The following RHOBTB1 variants were observed in gnomAD, a reference collection of about 807,000 sequenced individuals.
The protein encoded by RHOBTB1 is Rho related BTB domain containing 1.
In RHOBTB1, 40 loss-of-function variants were observed where a neutral mutation model predicts 71.6. The ratio of observed to expected loss-of-function variants is 0.56; its 90% CI spans 0.43 to 0.73. RHOBTB1 has a LOEUF of 0.73. Ranked by LOEUF, RHOBTB1 falls within the 30% of genes least tolerant of loss-of-function variation. RHOBTB1 has a pLI of 0.00. For missense variants in RHOBTB1, 797 were observed against 894.0 expected, an observed-to-expected ratio of 0.89 and a Z score of 1.38; for synonymous variants, 319 against 334.9, an observed-to-expected ratio of 0.95 and a Z score of 0.52.
At chr10:60,887,938 T>C (rs534702213) in intron 6 of RHOBTB1, among the ~76,000 whole-genome samples, 2 of 152,292 alleles carry the variant, frequency 1.3e-5, no homozygotes, top group East Asian at 3.9e-4. Flanking sequence ...GTTCAAATCC[T>C]GGCTCTACCA....
chr10:60,887,016 C>G (rs1347666948), intron 6 of RHOBTB1, among the ~76,000 whole-genome samples: 2 of 151,624 alleles, frequency 1.3e-5, no homozygotes, highest in African/African-American at 4.8e-5. Flanking sequence ...CTATTATCAT[C>G]CACTATATTG....
chr10:60,921,941 C>A (rs2133752538), intron 2 of RHOBTB1, among the ~76,000 whole-genome samples: 1 of 152,270 alleles, frequency 6.6e-6, no homozygotes, highest in African/African-American at 2.4e-5. Flanking sequence ...AAAGGCCACA[C>A]CCTTTCACCA....
chr10:60,889,631 A>G (rs2081811944), intron 5 of RHOBTB1, among the ~76,000 whole-genome samples: 1 of 152,118 alleles, frequency 6.6e-6, no homozygotes, highest in Non-Finnish European at 1.5e-5. Flanking sequence ...ATGTGCCTAA[A>G]TAGAGAGTGT....
chr10:60,885,423 G>A (rs1209794712), intron 7 of RHOBTB1, among the ~76,000 whole-genome samples: 1 of 152,192 alleles, frequency 6.6e-6, no homozygotes, highest in Non-Finnish European at 1.5e-5. Flanking sequence ...GACAAGTGAT[G>A]TAGCTGCTTC....
intron 8 of RHOBTB1, among the ~76,000 whole-genome samples, chr10:60,875,804 A>C (rs2081024395): frequency 6.6e-6 from 1 of 152,222 alleles, no homozygotes; most frequent in South Asian, 2.1e-4. Context: ...CAAGGCTTCC[A>C]AGCTGAATTT....
chr10:60,950,994 T>G (rs551922938), intron 2 of RHOBTB1, among the ~76,000 whole-genome samples: 1 of 152,328 alleles, frequency 6.6e-6, no homozygotes, highest in Non-Finnish European at 1.5e-5. Context: ...TTAGCTAAAC[T>G]ACATGCAGAA....
chr10:60,996,291 T>C (rs552590063), intron 1 of RHOBTB1, among the ~76,000 whole-genome samples: 2 of 152,328 alleles, frequency 1.3e-5, no homozygotes, highest in Admixed American at 1.3e-4. Flanking sequence ...TTCTTTTTTT[T>C]ACCTGCCCAA....
chr10:60,865,579 A>G (rs2080632817), downstream of RHOBTB1, among the ~76,000 whole-genome samples: 1 of 152,222 alleles, frequency 6.6e-6, no homozygotes, highest in Non-Finnish European at 1.5e-5. Flanking sequence ...AACTCATTGT[A>G]ATAGGTAACA....
chr10:60,916,637 A>G (rs751143270), intron 2 of RHOBTB1, among the ~76,000 whole-genome samples: 1 of 152,206 alleles, frequency 6.6e-6, no homozygotes, highest in Non-Finnish European at 1.5e-5. Context: ...ATGATGGGTC[A>G]TGCCAACTTT....
intron 5 of RHOBTB1, 125 bp downstream of exon 5, chr10:60,892,685 A>T: frequency 1.3e-6 from 1 of 791,230 alleles, no homozygotes; most frequent in Non-Finnish European, 1.9e-6. Context: ...GGGCTGACTT[A>T]AAACCCATGG....
chr10:60,965,624 A>G (rs979640042), intron 2 of RHOBTB1, among the ~76,000 whole-genome samples: 2 of 152,190 alleles, frequency 1.3e-5, no homozygotes, highest in African/African-American at 4.8e-5. Flanking sequence ...GTTTGACACA[A>G]AATAGGTCTT....
At chr10:60,946,126 C>T (rs188341087), upstream of RHOBTB1, among the ~76,000 whole-genome samples, 338 of 151,722 alleles carry the variant, frequency 2.2e-3, no homozygotes, top group African/African-American at 7.1e-3. Context: ...TGCAGTGAGC[C>T]GAGATCGCGC....
chr10:60,862,909 CCT>C, the RHOBTB1 span, among the ~76,000 whole-genome samples: 26,344 of 140,968 alleles, frequency 0.19, 2,633 homozygotes, highest in African/African-American at 0.28. Flanking sequence ...CTCTCCCTCT[CCT>C]CTTTCTTTTC....
intron 2 of RHOBTB1, among the ~76,000 whole-genome samples, chr10:60,959,012 T>C (rs1168608638): frequency 2.6e-5 from 4 of 152,142 alleles, no homozygotes; most frequent in African/African-American, 9.7e-5. Context: ...CCTCCCAGTA[T>C]ATACAAACAA....
At position 60,888,421 on chromosome 10, in the gene RHOBTB1, T is replaced by G. The variant is rs1384572334; in HGVS notation, c.1247A>C (p.Gln416Pro). 2 of 1,614,056 alleles carry G rather than the reference T, an allele frequency of 1.2e-6. No homozygotes were observed. The highest frequency in any genetic ancestry group is 8.5e-7 in the Non-Finnish European group (1 of 1,180,032). The change falls in exon 6 of 11, where the codon CAG (glutamine) becomes CCG (proline). Residue 416 changes from glutamine (Q) to proline (P), a missense_variant. This residue lies in a region of RHOBTB1 where 658 missense variants were observed against 681.5 expected (regional missense o/e 0.97). Transcript: ENST00000337910. ...VQPGPFRTLL[Q>P]FLYTGQLDEK... is the part of the protein sequence containing the mutation. The stretch of plus-strand genomic sequence containing the variant: ...ATCCAGTTGTCCCGTATAAAGAAAC[T>G]GGAGCAGGGTCCGAAAAGGGCCTGG...
intron 2 of RHOBTB1, among the ~76,000 whole-genome samples, chr10:60,929,694 C>T (rs1375427323): frequency 5.3e-5 from 8 of 151,936 alleles, no homozygotes; most frequent in Admixed American, 5.2e-4. Context: ...GTAACATGAA[C>T]CTTCATAGAC....
In RHOBTB1 at chr10:60,889,183, G is replaced by T. The variant is rs1327094360; in HGVS notation, c.485C>A (p.Pro162His). ...GGGCAAAATATCCCCTCTCTTTATG[G>T]GCCTGAAATAGAACATTTTAAAAAT... is the stretch of plus-strand genomic sequence containing the variant. ...VNRARRPLARPIKRGDILPPE... is the reference protein window; with the variant it reads ...VNRARRPLARHIKRGDILPPE... The change falls in exon 6 of 11, where the codon CCC becomes CAC. Residue 162 changes from proline (P) to histidine (H), a missense_variant and splice_region_variant. Pro to His is a moderately conservative substitution (Grantham distance 77, BLOSUM62 -2). Coordinates refer to ENST00000337910, the MANE Select transcript of RHOBTB1 (RefSeq NM_014836.5). 6.3e-7 allele frequency: 1 copy of T among 1,595,674 alleles called. No individual in the cohort carries two copies. Among genetic ancestry groups the T allele is most frequent in the Non-Finnish European group, 8.5e-7 (1 of 1,173,670 alleles).
At chr10:60,920,957 T>TG (rs1264807044) in intron 2 of RHOBTB1, among the ~76,000 whole-genome samples, 5 of 33,568 alleles carry the variant, frequency 1.5e-4, no homozygotes, top group African/African-American at 5.2e-4. Context: ...TTTTTTTTGT[T>TG]TTTTTTTTTT....
chr10:60,865,820 T>A (rs1589129147), downstream of RHOBTB1, among the ~76,000 whole-genome samples: 1 of 152,180 alleles, frequency 6.6e-6, no homozygotes, highest in East Asian at 1.9e-4. Context: ...ACATCTGGAG[T>A]GGGACCTGGA....
Sources: allele counts gnomAD v4.1 joint callset (sites outside exome capture counted in the v4.1 genomes callset), GRCh38; gene constraint gnomAD v4.1.1; regional missense constraint gnomAD v4.1.1; transcripts MANE v1.5; gene names NCBI Gene and HGNC (gene_info 2026-07-23, HGNC 2026-07-21).